Variants in NTSR1 observed in about 807,000 individuals in gnomAD.
The protein encoded by NTSR1 is neurotensin receptor type 1.
A neutral mutation model predicts 31.2 loss-of-function variants in NTSR1; 29 were observed. That is an observed-to-expected ratio of 0.93 (90% confidence interval 0.69 to 1.27). The LOEUF (loss-of-function observed/expected upper bound fraction) is 1.27. Among genes scored for constraint, NTSR1 ranks in the 50% most tolerant of loss-of-function variants. The pLI, the probability that NTSR1 is intolerant of heterozygous loss-of-function variation, is 0.00. For missense variants in NTSR1, 697 were observed against 595.4 expected (o/e 1.17, Z -1.78); for synonymous variants, 282 against 269.9 (o/e 1.04, Z -0.44).
intron 1 of NTSR1, among the ~76,000 whole-genome samples, chr20:62,723,271 A>G (rs1028657308): frequency 2.6e-5 from 4 of 152,168 alleles, no homozygotes; most frequent in African/African-American, 4.8e-5. Flanking sequence ...GCATCACTCA[A>G]TTGTAACTGC....
At chr20:62,737,899 A>G (rs1989127234) in intron 1 of NTSR1, among the ~76,000 whole-genome samples, 1 of 107,204 alleles carries the variant, frequency 9.3e-6, no homozygotes, top group African/African-American at 3.7e-5. Context: ...ACACACTCTT[A>G]CCTCCTTCCT....
chr20:62,709,128 C>G lies in NTSR1; in HGVS notation c.-80C>G. The G allele has an allele frequency of 1.7e-6, 2 of 1,192,556 alleles. No homozygotes were observed. Among genetic ancestry groups the G allele is most frequent in the Non-Finnish European group, 2.2e-6 (2 of 911,562 alleles). The allele number at this position is 1,192,556 out of a possible 1,614,324, so 73.9% of individuals were successfully genotyped here. A position where few individuals can be genotyped will look rare whatever the true frequency, so the allele number is the denominator to read the frequency against. ...TCCCCTGGGCTCCCGTTCATCGGTC[C>G]CCGCCTGAGACGCGCCCACTCCTGC... On this transcript the variant is annotated 5_prime_UTR_variant, in exon 1 of 4. Transcript: ENST00000370501.
intron 1 of NTSR1, among the ~76,000 whole-genome samples, chr20:62,752,310 G>A (rs904813857): frequency 7.2e-5 from 11 of 152,348 alleles, no homozygotes; most frequent in African/African-American, 2.4e-4. Context: ...TACCCAGAGC[G>A]GGAGAGATTA....
Position 62,732,323 on chromosome 20 carries a change from G to T in NTSR1, c.715-22362G>T, listed in dbSNP as rs67381409. Among the ~76,000 whole-genome samples, 24,330 of 152,132 alleles carry T rather than the reference G, an allele frequency of 0.16. 2,313 individuals are homozygous for T. Among genetic ancestry groups the T allele is most frequent in the Middle Eastern group, 0.26 (75 of 294 alleles). On this transcript the variant is annotated intron_variant, in intron 1 of 3. Transcript: ENST00000370501. This position sits in a 1 kb window ranked among gnomAD's most constrained non-coding sequence, Gnocchi z 4.0. ...TGACATGGGCTGTAGGTTTTTAGTA[G>T]ATGTTCTCTACCAAGCTGAGGGAGT... is the stretch of plus-strand genomic sequence containing the variant.
In NTSR1 at chr20:62,709,540, C is replaced by T. The variant is rs1319176555; in HGVS notation, c.333C>T (p.Ser111=). Residue 111 remains serine (S), a synonymous_variant, in exon 1 of 4, where the codon TCC becomes TCT. Coordinates refer to ENST00000370501, the MANE Select transcript of NTSR1 (RefSeq NM_002531.3). ...ACCACCTGGGCAGCCTGGCGCTGTC[C>T]GACCTGCTCACCCTGCTGCTGGCCA... ...VHYHLGSLAL[S]DLLTLLLAMP... 1.2e-6 allele frequency: 2 copies of T among 1,612,204 alleles called. No individual in the cohort carries two copies. Among genetic ancestry groups the T allele is most frequent in the Non-Finnish European group, 1.7e-6 (2 of 1,179,862 alleles).
At position 62,744,643 on chromosome 20, in the gene NTSR1, C is replaced by G. The variant is rs58052532; in HGVS notation, c.715-10042C>G. 0.023 allele frequency among the ~76,000 whole-genome samples: 3,553 copies of G among 152,116 alleles called. 140 individuals carry two copies. The highest frequency in any genetic ancestry group is 0.079 in the African/African-American group (3,292 of 41,448). On this transcript the variant is annotated intron_variant, in intron 1 of 3. Coordinates refer to ENST00000370501, the MANE Select transcript of NTSR1 (RefSeq NM_002531.3). The surrounding 1 kb of genome is among the most constrained non-coding windows in gnomAD (Gnocchi z 4.1). ...CAGGAAGGCTGAGGCAGGAGAATCA[C>G]TTGAACCTGGGAGACGGAGGTTGTG...
chr20:62,734,528 T>C (rs1989053212), intron 1 of NTSR1, among the ~76,000 whole-genome samples: 2 of 152,240 alleles, frequency 1.3e-5, no homozygotes, highest in Non-Finnish European at 1.5e-5. Context: ...CTCTGGGTTC[T>C]CTGCTGAGCA....
chr20:62,735,933 G>A (rs973138931), intron 1 of NTSR1, among the ~76,000 whole-genome samples: 9 of 152,238 alleles, frequency 5.9e-5, no homozygotes, highest in African/African-American at 1.7e-4. Context: ...CTTTCTCTGA[G>A]GGGGTCTGGT....
intron 1 of NTSR1, among the ~76,000 whole-genome samples, chr20:62,726,258 C>T (rs946587886): frequency 1.3e-5 from 2 of 152,178 alleles, no homozygotes; most frequent in African/African-American, 4.8e-5. Flanking sequence ...GCACAGGACT[C>T]GGAGGAGACA....
In NTSR1 at chr20:62,733,719, AAGAG is replaced by A. The variant is rs559569860; in HGVS notation, c.715-20963_715-20960del. ...AGAGAGAAACAGAGGGAGAAACACA[AAGAG>A]AGGGAGAGAAGGAGAGAGAGACACA... On this transcript the variant is annotated intron_variant, in intron 1 of 3. Transcript: ENST00000370501. This position sits in a 1 kb window ranked among gnomAD's most constrained non-coding sequence, Gnocchi z 5.2. 1.3e-3 allele frequency among the ~76,000 whole-genome samples: 203 copies of A among 151,646 alleles called. 1 individual carries two copies. Among genetic ancestry groups the A allele is most frequent in the African/African-American group, 4.5e-3 (187 of 41,346 alleles).
At chr20:62,723,772 A>G (rs1988861462) in intron 1 of NTSR1, among the ~76,000 whole-genome samples, 1 of 152,140 alleles carries the variant, frequency 6.6e-6, no homozygotes, top group Non-Finnish European at 1.5e-5. Context: ...TAGTACAGGG[A>G]GCCCCCAAGC....
chr20:62,754,806 T>G lies in NTSR1; in HGVS notation c.836T>G (p.Val279Gly). The change falls in exon 2 of 4, where the codon GTC (valine) becomes GGC (glycine). Residue 279 changes from valine to glycine, a missense_variant. Physicochemically the swap from Val to Gly is moderately radical, Grantham distance 109 (BLOSUM62 -3). Transcript: ENST00000370501. Reference protein sequence around the residue: ...QAAEQGQVCTVGGEHSTFSMA... With the variant: ...QAAEQGQVCTGGGEHSTFSMA... ...GCCGAGCAGGGCCAAGTGTGCACGG[T>G]CGGGGGCGAGCACAGCACATTCAGC... is the stretch of plus-strand genomic sequence containing the variant. 6.2e-7 allele frequency: 1 copy of G among 1,610,786 alleles called. No homozygotes were observed. The highest frequency in any genetic ancestry group is 8.5e-7 in the Non-Finnish European group (1 of 1,179,732).
rs1013575072 is a variant in NTSR1 at position 62,742,629 on chromosome 20, G to C, written c.715-12056G>C. On this transcript the variant is annotated intron_variant, in intron 1 of 3. Coordinates refer to ENST00000370501, the MANE Select transcript of NTSR1 (RefSeq NM_002531.3). This position sits in a 1 kb window ranked among gnomAD's most constrained non-coding sequence, Gnocchi z 7.1. ...AGACACCTGTTTACACAGGGCCCTA[G>C]GTCTCAGGTGTCCTGTGGGTGGCCG... 6.7e-6 allele frequency among the ~76,000 whole-genome samples: 1 copy of C among 149,470 alleles called. No homozygotes were observed. The highest frequency in any genetic ancestry group is 2.5e-5 in the African/African-American group (1 of 39,996).
intron 1 of NTSR1, among the ~76,000 whole-genome samples, chr20:62,729,599 C>T (rs1366156684): frequency 1.3e-5 from 2 of 151,734 alleles, no homozygotes; most frequent in South Asian, 2.1e-4. Flanking sequence ...AGGGCAGAGA[C>T]CTAGAACTTG....
Position 62,760,534 on chromosome 20 carries a change from A to C in NTSR1, c.*267A>C. The C allele has an allele frequency of 9.8e-6, 4 of 409,018 alleles. No homozygotes were observed. The highest frequency in any genetic ancestry group is 1.3e-5 in the Non-Finnish European group (3 of 227,424). The allele number at this position is 409,018 out of a possible 1,614,324, so 25.3% of individuals were successfully genotyped here. On this transcript the variant is annotated 3_prime_UTR_variant, in exon 4 of 4. Coordinates refer to ENST00000370501, the MANE Select transcript of NTSR1 (RefSeq NM_002531.3). ...AGAGCGCTCCTCTCCCAGATAGGAA[A>C]AGGGCCTCTAACAAGGAGAAATTAG...
chr20:62,727,601 C>T (rs980045504), intron 1 of NTSR1, among the ~76,000 whole-genome samples: 1 of 152,224 alleles, frequency 6.6e-6, no homozygotes, highest in African/African-American at 2.4e-5. Flanking sequence ...ATCGAGGTGA[C>T]TGAGGGGATA....
chr20:62,717,041 C>A (rs1988741382), intron 1 of NTSR1, among the ~76,000 whole-genome samples: 1 of 152,232 alleles, frequency 6.6e-6, no homozygotes, highest in South Asian at 2.1e-4. Flanking sequence ...GGAGGGGGAC[C>A]ACCGGGCTCT....
At position 62,742,388 on chromosome 20, in the gene NTSR1, C is replaced by T. The variant is rs1263087451; in HGVS notation, c.715-12297C>T. 2.7e-5 allele frequency among the ~76,000 whole-genome samples: 4 copies of T among 149,502 alleles called. No individual in the cohort carries two copies. Among genetic ancestry groups the T allele is most frequent in the South Asian group, 2.1e-4 (1 of 4,726 alleles). The stretch of plus-strand genomic sequence containing the variant: ...AGGCCCCCATCCACCATGAGTCAGG[C>T]GTGTCCCCACTGGGCAGCAAGTCCC... On this transcript the variant is annotated intron_variant, in intron 1 of 3. Transcript: ENST00000370501. This position sits in a 1 kb window ranked among gnomAD's most constrained non-coding sequence, Gnocchi z 7.1.
chr20:62,752,785 C>G (rs1337038406), intron 1 of NTSR1, among the ~76,000 whole-genome samples: 2 of 152,160 alleles, frequency 1.3e-5, no homozygotes, highest in Non-Finnish European at 2.9e-5. Context: ...CCCCTGTCCC[C>G]GCTCCCAGCA....
Sources: allele counts gnomAD v4.1 joint callset (sites outside exome capture counted in the v4.1 genomes callset), GRCh38; gene constraint gnomAD v4.1.1; non-coding constraint Gnocchi (gnomAD v3.1); transcripts MANE v1.5; gene names NCBI Gene and HGNC (gene_info 2026-07-23, HGNC 2026-07-21).